Variants in TESK2 observed in about 807,000 individuals in gnomAD.
TESK2 encodes dual specificity testis-specific protein kinase 2.
A neutral mutation model predicts 57.1 loss-of-function variants in TESK2; 39 were observed. The ratio of observed to expected loss-of-function variants is 0.68; its 90% confidence interval spans 0.53 to 0.89. The LOEUF (loss-of-function observed/expected upper bound fraction) is 0.89, where lower values mean the gene tolerates loss of function less well. TESK2 is among the 40% of genes least tolerant of loss of function. TESK2 has a pLI of 0.00. For synonymous variants in TESK2, 249 were observed against 267.9 expected, an observed-to-expected ratio of 0.93 and a Z score of 0.69; for missense variants, 646 against 732.1, an observed-to-expected ratio of 0.88 and a Z score of 1.36.
intron 3 of TESK2, among the ~76,000 whole-genome samples, chr1:45,413,661 G>A (rs965833742): frequency 1.3e-5 from 2 of 150,778 alleles, no homozygotes; most frequent in Non-Finnish European, 2.9e-5. Flanking sequence ...CTCTTATACA[G>A]AAGTTCAATA....
At chr1:45,457,125 A>G (rs1652139635) in intron 2 of TESK2, among the ~76,000 whole-genome samples, 1 of 152,132 alleles carries the variant, frequency 6.6e-6, no homozygotes, top group African/African-American at 2.4e-5. Context: ...CCAGCTATCA[A>G]TTTTACTGAA....
rs186804372 is a variant in TESK2 at position 45,405,607 on chromosome 1, C to T, written c.344+16118G>A. Reference sequence around the variant, plus strand: ...AGGAGTTCAAAACCAGTCTGCACAACGTGGTGAAACCCCATCTCTAAAAAA... The same window carrying T: ...AGGAGTTCAAAACCAGTCTGCACAATGTGGTGAAACCCCATCTCTAAAAAA... On this transcript the variant is annotated intron_variant, in intron 3 of 10. Transcript: ENST00000372086. Among the ~76,000 whole-genome samples the T allele has an allele frequency of 5.0e-4, 76 of 150,770 alleles. 1 individual carries two copies. The highest frequency in any genetic ancestry group is 7.0e-3 in the Middle Eastern group (2 of 286).
chr1:45,478,934 G>T (rs1653104810), intron 1 of TESK2, among the ~76,000 whole-genome samples: 1 of 152,032 alleles, frequency 6.6e-6, no homozygotes, highest in Non-Finnish European at 1.5e-5. Context: ...GTATTGGCCA[G>T]GCTGGTCTCA....
intron 2 of TESK2, among the ~76,000 whole-genome samples, chr1:45,427,925 G>A (rs1280154988): frequency 2.0e-5 from 3 of 152,104 alleles, no homozygotes; most frequent in Non-Finnish European, 4.4e-5. Context: ...GCAACACAAA[G>A]AAATGATAAA....
chr1:45,347,847 A>T (rs1202167317), intron 6 of TESK2, 71 bp downstream of exon 6: 1 of 1,455,936 alleles, frequency 6.9e-7, no homozygotes, highest in East Asian at 2.3e-5. Flanking sequence ...GCCTCTGGGG[A>T]GGAGGCTAGA....
At position 45,421,838 on chromosome 1, in the gene TESK2, G is replaced by C; in HGVS notation, c.231C>G (p.His77Gln). 1.2e-6 allele frequency: 2 copies of C among 1,614,028 alleles called. No individual in the cohort carries two copies. The highest frequency in any genetic ancestry group is 1.7e-6 in the Non-Finnish European group (2 of 1,179,978). Residue 77 changes from histidine to glutamine, a missense_variant, in exon 3 of 11, where the codon CAC becomes CAG. His to Gln is a conservative substitution (Grantham distance 24). Coordinates refer to ENST00000372086, the MANE Select transcript of TESK2 (RefSeq NM_007170.3). ...GFFSEVFKVR[H>Q]RASGQVMALK... The stretch of plus-strand genomic sequence containing the variant: ...GAGCCATCACCTGACCAGAAGCTCG[G>C]TGTCGTACCTAGAATATTAAATAGA...
intron 3 of TESK2, among the ~76,000 whole-genome samples, chr1:45,410,260 A>G (rs1381426482): frequency 2.6e-5 from 4 of 152,098 alleles, no homozygotes; most frequent in Non-Finnish European, 1.5e-5. Context: ...CAATGATAAA[A>G]TCAGAGAGAT....
chr1:45,365,609 G>A (rs373774252), intron 4 of TESK2, among the ~76,000 whole-genome samples: 11 of 150,818 alleles, frequency 7.3e-5, no homozygotes, highest in Admixed American at 2.0e-4. Flanking sequence ...CTCCTCTTGC[G>A]TTCAAGTGAT....
At chr1:45,484,148 G>A (rs2149309084) in intron 1 of TESK2, among the ~76,000 whole-genome samples, 1 of 121,014 alleles carries the variant, frequency 8.3e-6, no homozygotes, top group East Asian at 2.5e-4. Context: ...CCCTCTTGTC[G>A]CCTAAGCTGG....
In TESK2 at chr1:45,462,393, C is replaced by T. The variant is rs767738621; in HGVS notation, c.-86-4522G>A. Reference sequence around the variant, plus strand: ...GTTCATGCCATTCTCCTGCCTCAGCCTCCCGAGTAGCTGGGACTACAGGCG... The same window carrying T: ...GTTCATGCCATTCTCCTGCCTCAGCTTCCCGAGTAGCTGGGACTACAGGCG... On this transcript the variant is annotated intron_variant, in intron 1 of 10. Transcript: ENST00000372086. 2.8e-4 allele frequency among the ~76,000 whole-genome samples: 43 copies of T among 152,218 alleles called. 1 individual carries two copies. The Middle Eastern group carries it at 0.034, about 120-fold the overall frequency.
chr1:45,380,584 T>C (rs1648612863), intron 4 of TESK2, among the ~76,000 whole-genome samples: 1 of 152,236 alleles, frequency 6.6e-6, no homozygotes, highest in Non-Finnish European at 1.5e-5. Flanking sequence ...TTTTGGCAGC[T>C]ACTTTTTGAT....
intron 2 of TESK2, among the ~76,000 whole-genome samples, chr1:45,432,723 T>C (rs1034334619): frequency 4.0e-5 from 6 of 148,600 alleles, no homozygotes; most frequent in Non-Finnish European, 8.9e-5. Context: ...ACATTATTAA[T>C]GATAGTCACC....
At chr1:45,458,012 T>G in intron 1 of TESK2, 141 bp from the exon 2 acceptor site, 1 of 500,260 alleles carries the variant, frequency 2.0e-6, no homozygotes, top group African/African-American at 1.9e-5. Flanking sequence ...GTCTTTACCC[T>G]CAAATAACAC....
At chr1:45,385,710 G>GTATA (rs754585734) in intron 4 of TESK2, among the ~76,000 whole-genome samples, 17,456 of 135,086 alleles carry the variant, frequency 0.13, 1,289 homozygotes, top group Non-Finnish European at 0.18. Flanking sequence ...GTGTGTGTGT[G>GTATA]TATATATATA....
At chr1:45,424,567 G>A (rs1001577248) in intron 2 of TESK2, among the ~76,000 whole-genome samples, 1 of 152,174 alleles carries the variant, frequency 6.6e-6, no homozygotes, top group African/African-American at 2.4e-5. Flanking sequence ...GAGCTCACTG[G>A]TAGTATTTTT....
chr1:45,463,146 A>C (rs1331808271), intron 1 of TESK2, among the ~76,000 whole-genome samples: 1 of 152,098 alleles, frequency 6.6e-6, no homozygotes, highest in Non-Finnish European at 1.5e-5. Context: ...TCTTTGTCAG[A>C]CGGGTAGTTT....
At chr1:45,441,342 G>T (rs1651435963) in intron 2 of TESK2, among the ~76,000 whole-genome samples, 1 of 151,562 alleles carries the variant, frequency 6.6e-6, no homozygotes, top group Non-Finnish European at 1.5e-5. Flanking sequence ...AGCTAATTTT[G>T]TATTTTTAAT....
intron 1 of TESK2, among the ~76,000 whole-genome samples, chr1:45,470,307 A>C (rs1336256856): frequency 6.6e-6 from 1 of 152,204 alleles, no homozygotes; most frequent in Non-Finnish European, 1.5e-5. Flanking sequence ...TGGCAAATCT[A>C]CATGACAAGT....
At chr1:45,391,351 G>T (rs914788455) in intron 3 of TESK2, among the ~76,000 whole-genome samples, 5 of 151,496 alleles carry the variant, frequency 3.3e-5, no homozygotes, top group African/African-American at 4.9e-5. Flanking sequence ...CTGAGTAGCT[G>T]GGACTACAGG....
Sources: gnomAD v4.1 joint callset for allele counts (sites outside exome capture counted in the v4.1 genomes callset) on GRCh38, gnomAD v4.1.1 for gene constraint, MANE v1.5 for transcripts, NCBI Gene and HGNC (gene_info 2026-07-23, HGNC 2026-07-21) for gene names.